Variants in CASKIN2 observed in about 807,000 individuals in gnomAD.
CASKIN2 encodes CASK interacting protein 2.
CASKIN2 carries 41 observed loss-of-function variants against 107.1 expected under a neutral mutation model. The ratio of observed to expected loss-of-function variants is 0.38; its 90% CI spans 0.30 to 0.50. The LOEUF (loss-of-function observed/expected upper bound fraction) is 0.50. Ranked by LOEUF, CASKIN2 falls within the 20% of genes least tolerant of loss-of-function variation. The pLI is 0.92. For missense variants in CASKIN2, 1,546 were observed against 1,657.4 expected (o/e 0.93, Z 1.17); for synonymous variants, 724 against 705.6 (o/e 1.03, Z -0.41).
rs2053230437 is a variant in CASKIN2, at chr17:75,503,736, T to G, written c.1603A>C (p.Lys535Gln). 9 of 1,612,500 alleles carry G rather than the reference T, an allele frequency of 5.6e-6. No homozygotes were observed. In the East Asian group the frequency reaches 2.0e-4, roughly 36 times the overall value. Residue 535 changes from lysine to glutamine, a missense_variant, in exon 16 of 20, where the codon AAG (lysine) becomes CAG (glutamine). Physicochemically the swap from Lys to Gln is moderately conservative, Grantham distance 53. Coordinates refer to ENST00000321617, the MANE Select transcript of CASKIN2 (RefSeq NM_020753.5). Reference sequence around the variant, plus strand: ...GCGATCTTCTTCCTGTGCCCAGGCTTGGTCACCCCGATGGCCGTCAGGTCC... The same window carrying G: ...GCGATCTTCTTCCTGTGCCCAGGCTGGGTCACCCCGATGGCCGTCAGGTCC... ...PEDLTAIGVTKPGHRKKIASE... is the reference protein window; with the variant it reads ...PEDLTAIGVTQPGHRKKIASE...
rs1338396188 is a variant in CASKIN2 at position 75,501,992 on chromosome 17, C to T, written c.3082G>A (p.Gly1028Ser). 3 of 1,612,382 alleles carry T rather than the reference C, an allele frequency of 1.9e-6. No homozygotes were observed. Among genetic ancestry groups the T allele is most frequent in the Non-Finnish European group, 2.5e-6 (3 of 1,179,476 alleles). Residue 1028 changes from glycine (G) to serine (S), a missense_variant, in exon 18 of 20, where the codon GGC becomes AGC. This residue lies in a region of CASKIN2 where 1,311 missense variants were observed against 1,311.0 expected (regional missense o/e 1.00). Transcript: ENST00000321617. ...AGGCTAGAAGCTGGAGGAGACTCGC[C>T]AGGAGTTGGGGAAGGCAGTGGGGCA... ...PAAPLPSPTPGESPPASSLPQ... is the reference protein window; with the variant it reads ...PAAPLPSPTPSESPPASSLPQ...
At position 75,501,900 on chromosome 17, in the gene CASKIN2, G is replaced by A. The variant is rs749612816; in HGVS notation, c.3174C>T (p.Ala1058=). The part of the protein sequence containing the change: ...GVPTPLAPSP[A]MQPPVPPCPG... ...GGCAGGGCGGCACTGGAGGCTGCAT[G>A]GCGGGGCTGGGAGCAAGGGGGGTTG... The change falls in exon 18 of 20, where the codon GCC becomes GCT. Residue 1058 remains alanine, a synonymous_variant. Transcript: ENST00000321617. 1.3e-6 allele frequency: 2 copies of A among 1,571,680 alleles called. No individual in the cohort carries two copies. Among genetic ancestry groups the A allele is most frequent in the Non-Finnish European group, 1.7e-6 (2 of 1,157,880 alleles).
At position 75,501,516 on chromosome 17, in the gene CASKIN2, G is replaced by A; in HGVS notation, c.3470C>T (p.Ala1157Val). The change falls in exon 19 of 20, where the codon GCT (alanine) becomes GTT (valine). Residue 1157 changes from alanine (A) to valine (V), a missense_variant. Physicochemically the swap from Ala to Val is moderately conservative, Grantham distance 64. Transcript: ENST00000321617. ...RLEQTSSSLA[A>V]ALRAAEKSIG... ...GCTCTTCTCTGCGGCTCTCAGTGCA[G>A]CTGCCAGGGACGAGCTGGTCTGCTC... The A allele has an allele frequency of 6.2e-7, 1 of 1,612,478 alleles. No homozygotes were observed. Among genetic ancestry groups the A allele is most frequent in the South Asian group, 1.1e-5 (1 of 91,062 alleles).
Position 75,502,746 on chromosome 17 carries a change from C to T in CASKIN2, c.2328G>A (p.Trp776Ter). Reference protein sequence around the residue: ...PAPGPPPGAPWAFSYLAGPPA... With the variant: ...PAPGPPPGAP The stretch of plus-strand genomic sequence containing the variant: ...GGGGCCCGGCCAAGTAGGAGAAGGC[C>T]CAGGGTGCGCCAGGAGGTGGCCCTG... The change falls in exon 18 of 20, where the codon TGG becomes TGA. Residue 776 changes from tryptophan (W) to a stop codon, truncating the protein, a stop_gained. Transcript: ENST00000321617. LOFTEE classifies it high-confidence loss of function. This position sits in a 1 kb window ranked among gnomAD's most constrained non-coding sequence, Gnocchi z 4.3. 6.3e-7 allele frequency: 1 copy of T among 1,590,556 alleles called. No homozygotes were observed. Among genetic ancestry groups the T allele is most frequent in the Non-Finnish European group, 8.6e-7 (1 of 1,167,352 alleles).
chr17:75,502,981 T>C lies in CASKIN2; in HGVS notation c.2093A>G (p.Gln698Arg), dbSNP rs372520423. 6.2e-7 allele frequency: 1 copy of C among 1,604,632 alleles called. No individual in the cohort carries two copies. The highest frequency in any genetic ancestry group is 8.5e-7 in the Non-Finnish European group (1 of 1,176,184). ...LPLPPARSPS[Q>R]ESIGARSRGS... ...CCGTGAGCGTGCCCCGATGCTCTCCTGGCTGGGAGAGCGGGCAGGTGGGAG... is the reference window on the plus strand; with the variant it reads ...CCGTGAGCGTGCCCCGATGCTCTCCCGGCTGGGAGAGCGGGCAGGTGGGAG... The change falls in exon 18 of 20, where the codon CAG (glutamine) becomes CGG (arginine). Residue 698 changes from glutamine to arginine, a missense_variant. By Grantham distance (43) the Gln-to-Arg change is conservative. Coordinates refer to ENST00000321617, the MANE Select transcript of CASKIN2 (RefSeq NM_020753.5). The surrounding 1 kb of genome is among the most constrained non-coding windows in gnomAD (Gnocchi z 4.3).
chr17:75,508,804 C>T (rs2053292523), intron 2 of CASKIN2, among the ~76,000 whole-genome samples: 1 of 152,240 alleles, frequency 6.6e-6, no homozygotes, highest in African/African-American at 2.4e-5. Flanking sequence ...GTGACTGTGA[C>T]AAGTCATTTA....
At chr17:75,509,491 C>T in intron 2 of CASKIN2, 2 of 865,208 alleles carry the variant, frequency 2.3e-6, no homozygotes, top group Non-Finnish European at 2.8e-6. Flanking sequence ...ACATTGAGGG[C>T]CAAACTGAAG....
rs769690452 is a variant in CASKIN2 at position 75,502,764 on chromosome 17, T to C, written c.2310A>G (p.Pro770=). Residue 770 remains proline (P), a synonymous_variant, in exon 18 of 20, where the codon CCA becomes CCG. Coordinates refer to ENST00000321617, the MANE Select transcript of CASKIN2 (RefSeq NM_020753.5). The surrounding 1 kb of genome is among the most constrained non-coding windows in gnomAD (Gnocchi z 4.3). The part of the protein sequence containing the change: ...QGSPSSPAPG[P]PPGAPWAFSY... ...AGAAGGCCCAGGGTGCGCCAGGAGG[T>C]GGCCCTGGGGCCGGGCTAGAGGGTG... 2.5e-6 allele frequency: 4 copies of C among 1,594,464 alleles called. No individual in the cohort carries two copies. In the East Asian group the frequency reaches 6.8e-5, roughly 27 times the overall value.
Position 75,504,841 on chromosome 17 carries a change from G to A in CASKIN2, c.1163C>T (p.Pro388Leu). The A allele has an allele frequency of 6.2e-7, 1 of 1,611,664 alleles. No homozygotes were observed. The highest frequency in any genetic ancestry group is 1.3e-5 in the African/African-American group (1 of 75,002). The change falls in exon 11 of 20, where the codon CCT becomes CTT. Residue 388 changes from proline to leucine, a missense_variant. By Grantham distance (98) the Pro-to-Leu change is moderately conservative (BLOSUM62 -3). Transcript: ENST00000321617. The stretch of plus-strand genomic sequence containing the variant: ...GCTGTCTGGGCTGAGGCCCACCCGA[G>A]GAAGCTGGCTGTAGGTAAGAGGGTG... ...PPHPLTYSQL[P>L]RVGLSPDSPA...
rs112890467 is a variant in CASKIN2 at position 75,504,207 on chromosome 17, G to T, written c.1467+8C>A. On this transcript the variant is annotated splice_region_variant and intron_variant, in intron 14 of 19. Transcript: ENST00000321617. ...CGAGGCCCACGGTGCACCCCGTGGA[G>T]GTCACACCTTCCCCTCCAGCAGCTG... 0.021 allele frequency: 28,156 copies of T among 1,348,300 alleles called. 2,458 individuals are homozygous for T. The highest frequency in any genetic ancestry group is 0.042 in the African/African-American group (2,671 of 63,024). The allele number at this position is 1,348,300 out of a possible 1,614,324, so 83.5% of individuals were successfully genotyped here.
intron 2 of CASKIN2, among the ~76,000 whole-genome samples, chr17:75,511,785 A>C (rs7501644): frequency 0.88 from 134,431 of 152,144 alleles, 60,233 homozygotes; most frequent in African/African-American, 0.97. Flanking sequence ...GCACAAGGGA[A>C]CTTCTCGGAG....
chr17:75,510,353 TTCTC>T (rs2053306362), intron 2 of CASKIN2, among the ~76,000 whole-genome samples: 1 of 152,160 alleles, frequency 6.6e-6, no homozygotes, highest in Non-Finnish European at 1.5e-5. Context: ...CACCTCCCTG[TTCTC>T]TCTCTGGATA....
In CASKIN2 at chr17:75,500,655, C is replaced by A; in HGVS notation, c.*425G>T. ...GGGGGCCCGGCCAGACACACGCCTC[C>A]TCCAGCCTCTCAGGGCCTGGGCAGG... On this transcript the variant is annotated 3_prime_UTR_variant, in exon 20 of 20. Coordinates refer to ENST00000321617, the MANE Select transcript of CASKIN2 (RefSeq NM_020753.5). 1 of 228,694 alleles carries A rather than the reference C, an allele frequency of 4.4e-6. No homozygotes were observed. Among genetic ancestry groups the A allele is most frequent in the Non-Finnish European group, 8.8e-6 (1 of 113,614 alleles). 14.2% of individuals were successfully genotyped at this position (228,694 alleles called of 1,614,324 possible). A position where few individuals can be genotyped will look rare whatever the true frequency, so the allele number is the denominator to read the frequency against.
rs774847894 is a variant in CASKIN2 at position 75,505,788 on chromosome 17, C to A, written c.835+33G>T. On this transcript the variant is annotated intron_variant, in intron 9 of 19. Coordinates refer to ENST00000321617, the MANE Select transcript of CASKIN2 (RefSeq NM_020753.5). The surrounding 1 kb of genome is among the most constrained non-coding windows in gnomAD (Gnocchi z 5.1). ...CTGGTACCACTTGAGCGGCCCCAGG[C>A]CCCCTGGGCAGGGTATCCTCCCCCG... 1.2e-6 allele frequency: 2 copies of A among 1,601,756 alleles called. No individual in the cohort carries two copies. Among genetic ancestry groups the A allele is most frequent in the Admixed American group, 1.7e-5 (1 of 59,876 alleles).
In CASKIN2 at chr17:75,505,131, C is replaced by T. The variant is rs986375480; in HGVS notation, c.931-58G>A. On this transcript the variant is annotated intron_variant, in intron 10 of 19. Coordinates refer to ENST00000321617, the MANE Select transcript of CASKIN2 (RefSeq NM_020753.5). The surrounding 1 kb of genome is among the most constrained non-coding windows in gnomAD (Gnocchi z 5.1). ...CTCCCAGCACCAGGCAAGTGGCAAA[C>T]GGTTGTCCCTGCAGCTGCGGTCCGG... is the stretch of plus-strand genomic sequence containing the variant. 2.0e-5 allele frequency: 32 copies of T among 1,578,008 alleles called. No individual in the cohort carries two copies. Among genetic ancestry groups the T allele is most frequent in the African/African-American group, 8.1e-5 (6 of 74,464 alleles).
At position 75,510,617 on chromosome 17, in the gene CASKIN2, G is replaced by T. The variant is rs533384262; in HGVS notation, c.95-2332C>A. On this transcript the variant is annotated intron_variant, in intron 2 of 19. Transcript: ENST00000321617. ...CTTATTTATTACTTTTTGAGACAGG[G>T]TCTTGCTCTGCTGCCCAGGTTGGAG... Among the ~76,000 whole-genome samples, 84 of 152,156 alleles carry T rather than the reference G, an allele frequency of 5.5e-4. No individual in the cohort carries two copies. In the South Asian group the frequency reaches 0.016, roughly 29 times the overall value.
rs539262045 is a variant in CASKIN2, at chr17:75,501,497, C to T, written c.3489G>A (p.Glu1163=). The T allele has an allele frequency of 2.5e-6, 4 of 1,612,038 alleles. No individual in the cohort carries two copies. In the South Asian group the frequency reaches 4.4e-5, roughly 18 times the overall value. The part of the protein sequence containing the change: ...SSLAAALRAA[E]KSIGTKEQEG... Reference sequence around the variant, plus strand: ...CTTGCTCCTTGGTGCCAATGCTCTTCTCTGCGGCTCTCAGTGCAGCTGCCA... The same window carrying T: ...CTTGCTCCTTGGTGCCAATGCTCTTTTCTGCGGCTCTCAGTGCAGCTGCCA... Residue 1163 remains glutamate (E), a synonymous_variant, in exon 19 of 20, where the codon GAG becomes GAA. Transcript: ENST00000321617.
intron 2 of CASKIN2, among the ~76,000 whole-genome samples, chr17:75,509,193 G>A (rs1171518083): frequency 1.3e-5 from 2 of 152,244 alleles, no homozygotes; most frequent in African/African-American, 2.4e-5. Flanking sequence ...TGCTCCCTGC[G>A]AGAGCCAGGG....
Position 75,503,207 on chromosome 17 carries a change from G to A in CASKIN2, c.1867C>T (p.Arg623Trp), listed in dbSNP as rs200961448. The change falls in exon 18 of 20, where the codon CGG becomes TGG. Residue 623 changes from arginine (R) to tryptophan (W), a missense_variant. Transcript: ENST00000321617. ...MLGVKRLAEL[R>W]RGLLQGEALS... ...GCCTCCCCCTGCAGCAGGCCCCGCCGAAGCTCCGCCAGCCGCTTCACCCCC... is the reference window on the plus strand; with the variant it reads ...GCCTCCCCCTGCAGCAGGCCCCGCCAAAGCTCCGCCAGCCGCTTCACCCCC... 4.5e-5 allele frequency: 72 copies of A among 1,595,344 alleles called. No individual in the cohort carries two copies. In the East Asian group the frequency reaches 6.5e-4, roughly 14 times the overall value.
Sources: gnomAD v4.1 joint callset for allele counts (sites outside exome capture counted in the v4.1 genomes callset) on GRCh38, gnomAD v4.1.1 for gene constraint, gnomAD v4.1.1 regional missense constraint, Gnocchi (gnomAD v3.1) non-coding constraint, MANE v1.5 for transcripts, NCBI Gene and HGNC (gene_info 2026-07-23, HGNC 2026-07-21) for gene names.